KLHL4: variants seen among roughly 807,000 people sequenced by gnomAD.
The protein encoded by KLHL4 is kelch-like protein 4.
KLHL4 carries 17 observed loss-of-function variants against 45.8 expected under a neutral mutation model. The ratio of observed to expected loss-of-function variants is 0.37; its 90% CI spans 0.25 to 0.56. KLHL4 has a LOEUF of 0.56. Ranked by LOEUF, KLHL4 falls within the 20% of genes least tolerant of loss-of-function variation. The pLI is 0.79. For missense variants in KLHL4, 544 were observed against 544.9 expected (o/e 1.00, Z 0.02); for synonymous variants, 224 against 189.9 (o/e 1.18, Z -1.47).
In KLHL4 at chrX:87,632,412, G is replaced by A; in HGVS notation, c.1527G>A (p.Met509Ile). 1.7e-6 allele frequency: 2 copies of A among 1,198,642 alleles called. No homozygotes were observed. The highest frequency in any genetic ancestry group is 3.5e-5 in the African/African-American group (2 of 57,616). The change falls in exon 7 of 11, where the codon ATG becomes ATA. Residue 509 changes from methionine to isoleucine, a missense_variant. Transcript: ENST00000373119. ...VGKIWTVMPP[M>I]STHRHGLGVA... ...AAATCTGGACTGTGATGCCTCCCAT[G>A]TCAACACATCGGCACGGCTTAGGTA...
chrX:87,568,585 T>C (rs774008460), intron 1 of KLHL4, among the ~76,000 whole-genome samples: 39 of 110,179 alleles, frequency 3.5e-4, no homozygotes, highest in Non-Finnish European at 6.5e-4. Context: ...ATATGTATAG[T>C]ACTTTCATAA....
At chrX:87,567,147 A>G (rs935885871) in intron 1 of KLHL4, among the ~76,000 whole-genome samples, 1 of 111,402 alleles carries the variant, frequency 9.0e-6, no homozygotes, top group Admixed American at 9.6e-5. Flanking sequence ...GGATCTTCCT[A>G]TGCCTGGCAA....
intron 1 of KLHL4, among the ~76,000 whole-genome samples, chrX:87,534,450 A>G (rs753061141): frequency 1.3e-4 from 15 of 111,349 alleles, no homozygotes; most frequent in Non-Finnish European, 2.5e-4. Context: ...AACGCTTGAT[A>G]TATTGATAAT....
At position 87,668,840 on chromosome X, in the gene KLHL4, AG is replaced by A; in HGVS notation, c.*2307del. 2.0e-6 allele frequency: 1 copy of A among 493,634 alleles called. No individual in the cohort carries two copies. Among genetic ancestry groups the A allele is most frequent in the Non-Finnish European group, 2.5e-6 (1 of 401,438 alleles). The allele number at this position is 493,634 out of a possible 1,213,427, so 40.7% of individuals were successfully genotyped here. A position where few individuals can be genotyped will look rare whatever the true frequency, so the allele number is the denominator to read the frequency against. On this transcript the variant is annotated 3_prime_UTR_variant, in exon 11 of 11. Coordinates refer to ENST00000373119, the MANE Select transcript of KLHL4 (RefSeq NM_019117.5). ...ATCCCAGATATGGCCTCTCAACCTC[AG>A]ACTTCTCAGCCTGCCTAACTGTAAG...
In KLHL4 at chrX:87,518,182, A is replaced by T. The variant is rs1432160708; in HGVS notation, c.289A>T (p.Ile97Leu). Reference protein sequence around the residue: ...AVQNLQQHNLIVHFQANEDTP... With the variant: ...AVQNLQQHNLLVHFQANEDTP... ...TCAGAATTTGCAGCAACATAATCTG[A>T]TAGTACATTTTCAAGCAAATGAAGA... The change falls in exon 1 of 11, where the codon ATA (isoleucine) becomes TTA (leucine). Residue 97 changes from isoleucine to leucine, a missense_variant. Physicochemically the swap from Ile to Leu is conservative, Grantham distance 5. Transcript: ENST00000373119. 1 of 1,211,910 alleles carries T rather than the reference A, an allele frequency of 8.3e-7. No individual in the cohort carries two copies. The highest frequency in any genetic ancestry group is 3.0e-5 in the East Asian group (1 of 33,840).
intron 1 of KLHL4, among the ~76,000 whole-genome samples, chrX:87,593,542 C>G (rs1483367552): frequency 9.0e-6 from 1 of 111,005 alleles, no homozygotes; most frequent in Non-Finnish European, 1.9e-5. Flanking sequence ...TTCTTTGGGT[C>G]TTTTTTATAA....
intron 1 of KLHL4, among the ~76,000 whole-genome samples, chrX:87,551,730 G>T (rs1206414667): frequency 9.0e-6 from 1 of 111,552 alleles, no homozygotes; most frequent in East Asian, 2.8e-4. Context: ...ACAGAAGAGA[G>T]AACCCAGAAA....
chrX:87,659,981 T>TGTGC (rs1023718829), intron 9 of KLHL4, among the ~76,000 whole-genome samples: 2 of 108,881 alleles, frequency 1.8e-5, no homozygotes, highest in South Asian at 4.0e-4. Context: ...TGTGTGTGTG[T>TGTGC]GCACGTGTGT....
At chrX:87,630,740 T>C (rs961511083) in intron 6 of KLHL4, among the ~76,000 whole-genome samples, 3 of 111,946 alleles carry the variant, frequency 2.7e-5, no homozygotes, top group African/African-American at 9.7e-5. Flanking sequence ...TGCACATTAG[T>C]AATTGAATAG....
chrX:87,578,020 A>G (rs7056854), intron 1 of KLHL4, among the ~76,000 whole-genome samples: 2,457 of 111,538 alleles, frequency 0.022, 66 homozygotes, highest in African/African-American at 0.076. Context: ...ACAAAAATTT[A>G]TATCTCTGTC....
At chrX:87,644,199 A>G (rs1481176213) in intron 9 of KLHL4, among the ~76,000 whole-genome samples, 1 of 112,006 alleles carries the variant, frequency 8.9e-6, no homozygotes, top group East Asian at 2.8e-4. Context: ...AGAATTCAGC[A>G]AAGTTTCTGG....
intron 1 of KLHL4, among the ~76,000 whole-genome samples, chrX:87,598,788 G>A (rs1043514025): frequency 8.1e-5 from 9 of 111,033 alleles, no homozygotes; most frequent in African/African-American, 2.6e-4. Flanking sequence ...AAAAATCTAT[G>A]ACCCTAACAT....
At chrX:87,626,972 G>A (rs1371957564) in intron 6 of KLHL4, among the ~76,000 whole-genome samples, 3 of 112,042 alleles carry the variant, frequency 2.7e-5, no homozygotes, top group African/African-American at 9.7e-5. Context: ...TTTGTAGAAG[G>A]AATGTGGGGG....
intron 9 of KLHL4, among the ~76,000 whole-genome samples, chrX:87,646,187 A>G (rs1923627051): frequency 9.0e-6 from 1 of 111,522 alleles, no homozygotes; most frequent in African/African-American, 3.3e-5. Flanking sequence ...ACACTTAACC[A>G]AGGAGGTGAA....
rs1468602387 is a variant in KLHL4, at chrX:87,635,725, T to C, written c.1875T>C (p.His625=). ...GATTCTTATATGTTGTAGGGGGGCA[T>C]GATGCCCCTGCTTCCAACCATTGCT... ...YNGFLYVVGG[H]DAPASNHCSR... is the part of the protein sequence containing the mutation. The change falls in exon 9 of 11, where the codon CAT becomes CAC. Residue 625 remains histidine, a synonymous_variant. Transcript: ENST00000373119. The C allele has an allele frequency of 3.3e-6, 4 of 1,203,961 alleles. No homozygotes were observed. The highest frequency in any genetic ancestry group is 4.5e-6 in the Non-Finnish European group (4 of 890,825).
intron 9 of KLHL4, among the ~76,000 whole-genome samples, chrX:87,651,223 C>T (rs1413326099): frequency 2.7e-5 from 3 of 111,441 alleles, no homozygotes; most frequent in Non-Finnish European, 5.7e-5. Flanking sequence ...GGGTCCCTCC[C>T]ACAACATGTA....
chrX:87,647,557 A>G (rs1923677321), intron 9 of KLHL4, among the ~76,000 whole-genome samples: 1 of 112,341 alleles, frequency 8.9e-6, no homozygotes, highest in African/African-American at 3.2e-5. Flanking sequence ...CAGACATAAA[A>G]AGGAATGAAA....
chrX:87,625,589 C>G (rs927337929), intron 5 of KLHL4, 21 bp from the exon 6 acceptor site: 1 of 1,157,628 alleles, frequency 8.6e-7, no homozygotes, highest in Admixed American at 2.3e-5. Context: ...CATTCATATA[C>G]CATGCATCAC....
chrX:87,593,760 A>G (rs751089540), intron 1 of KLHL4, among the ~76,000 whole-genome samples: 2 of 111,401 alleles, frequency 1.8e-5, no homozygotes, highest in Non-Finnish European at 3.8e-5. Flanking sequence ...CATGTCCACA[A>G]CTGTAGTTCT....
Sources: gnomAD v4.1 joint callset for allele counts (sites outside exome capture counted in the v4.1 genomes callset) on GRCh38, gnomAD v4.1.1 for gene constraint, MANE v1.5 for transcripts, NCBI Gene and HGNC (gene_info 2026-07-23, HGNC 2026-07-21) for gene names.